PDE7B: variants seen among roughly 807,000 people sequenced by gnomAD.
PDE7B encodes the protein phosphodiesterase 7B.
In PDE7B, 29 loss-of-function variants were observed where a neutral mutation model predicts 56.2. The ratio of observed to expected loss-of-function variants is 0.52; its 90% confidence interval spans 0.38 to 0.70. PDE7B has a LOEUF of 0.70. PDE7B is among the 30% of genes least tolerant of loss of function. PDE7B has a pLI of 0.00. For synonymous variants in PDE7B, 197 were observed against 196.9 expected (o/e 1.00, Z 0.00); for missense variants, 490 against 565.0 (o/e 0.87, Z 1.35).
At chr6:136,130,104 C>T (rs1778091568) in intron 3 of PDE7B, among the ~76,000 whole-genome samples, 1 of 152,122 alleles carries the variant, frequency 6.6e-6, no homozygotes, top group African/African-American at 2.4e-5. Flanking sequence ...ATTTTTCTGA[C>T]CGACCACTCC....
intron 1 of PDE7B, among the ~76,000 whole-genome samples, chr6:135,885,821 T>C (rs1366989838): frequency 6.6e-6 from 1 of 152,110 alleles, no homozygotes; most frequent in African/African-American, 2.4e-5. Flanking sequence ...TGAGAAAACA[T>C]GTGAGATGGA....
intron 3 of PDE7B, among the ~76,000 whole-genome samples, chr6:136,118,437 T>C (rs1777874725): frequency 6.6e-6 from 1 of 152,222 alleles, no homozygotes; most frequent in South Asian, 2.1e-4. Context: ...TGGGAACCAC[T>C]ATATATGTCA....
intron 1 of PDE7B, among the ~76,000 whole-genome samples, chr6:135,914,446 G>C (rs113895422): frequency 6.9e-6 from 1 of 144,916 alleles, no homozygotes; most frequent in African/African-American, 2.5e-5. Flanking sequence ...TCATACAGCA[G>C]ATAGCTTTTT....
At chr6:135,916,512 C>T (rs1030975617) in intron 1 of PDE7B, among the ~76,000 whole-genome samples, 1 of 150,836 alleles carries the variant, frequency 6.6e-6, no homozygotes, top group African/African-American at 2.4e-5. Flanking sequence ...CCTGCCTCAG[C>T]CTCCCGAGTA....
chr6:136,074,945 G>T (rs73559586), intron 2 of PDE7B, among the ~76,000 whole-genome samples: 4,035 of 152,212 alleles, frequency 0.027, 160 homozygotes, highest in African/African-American at 0.09. Context: ...TATATACCTA[G>T]AAGTGAAATT....
In PDE7B at chr6:136,147,347, A is replaced by G. The variant is rs1315213375; in HGVS notation, c.167-4A>G. 2 of 1,599,630 alleles carry G rather than the reference A, an allele frequency of 1.3e-6. No homozygotes were observed. The highest frequency in any genetic ancestry group is 1.7e-5 in the Admixed American group (1 of 59,350). ...AAATTTCTTGACTTGATGACTTTCC[A>G]CAGGTACAACATACTCAGGGGAGAT... On this transcript the variant is annotated splice_polypyrimidine_tract_variant and splice_region_variant and intron_variant, in intron 3 of 12. Transcript: ENST00000308191.
intron 3 of PDE7B, among the ~76,000 whole-genome samples, chr6:136,127,323 G>T (rs1778040399): frequency 6.6e-6 from 1 of 152,046 alleles, no homozygotes; most frequent in Non-Finnish European, 1.5e-5. Flanking sequence ...AGGAGGTAAT[G>T]CCTCCCACAT....
chr6:135,973,157 C>G (rs1562456898), intron 2 of PDE7B, among the ~76,000 whole-genome samples: 1 of 151,072 alleles, frequency 6.6e-6, no homozygotes, highest in Non-Finnish European at 1.5e-5. Context: ...ACCATGGAAA[C>G]CACCGGTATT....
At chr6:136,094,143 A>C (rs983975749) in intron 2 of PDE7B, 2 of 152,308 alleles carry the variant, frequency 1.3e-5, no homozygotes, top group East Asian at 1.9e-4. Context: ...CTTGTGGTGC[A>C]AGGGGCAAGC....
chr6:136,140,908 C>T (rs889548968), intron 3 of PDE7B, among the ~76,000 whole-genome samples: 13 of 151,928 alleles, frequency 8.6e-5, no homozygotes, highest in African/African-American at 3.1e-4. Flanking sequence ...ATGTCGTCTG[C>T]AAACAGGGAC....
intron 1 of PDE7B, among the ~76,000 whole-genome samples, chr6:135,940,558 A>G (rs754518681): frequency 2.6e-5 from 4 of 152,204 alleles, no homozygotes; most frequent in Non-Finnish European, 5.9e-5. Flanking sequence ...CAGTTTCTTA[A>G]CAGGAGATAT....
At chr6:135,935,853 T>C (rs1292467920) in intron 1 of PDE7B, among the ~76,000 whole-genome samples, 2 of 152,232 alleles carry the variant, frequency 1.3e-5, no homozygotes, top group Non-Finnish European at 2.9e-5. Flanking sequence ...TAAGGAAATT[T>C]CCTTTCTGAG....
intron 2 of PDE7B, among the ~76,000 whole-genome samples, chr6:135,979,430 T>G (rs1775254347): frequency 6.6e-6 from 1 of 151,676 alleles, no homozygotes; most frequent in African/African-American, 2.4e-5. Context: ...TTCTATTGAT[T>G]GGAATAGTTT....
intron 2 of PDE7B, among the ~76,000 whole-genome samples, chr6:136,080,781 C>T (rs796543945): frequency 1.6e-4 from 24 of 152,268 alleles, no homozygotes; most frequent in African/African-American, 5.5e-4. Flanking sequence ...TGTTGACAAG[C>T]ATTAATAAGA....
chr6:135,974,852 T>C (rs565728767), intron 2 of PDE7B, among the ~76,000 whole-genome samples: 1 of 152,324 alleles, frequency 6.6e-6, no homozygotes, highest in Non-Finnish European at 1.5e-5. Context: ...GCATGTCAAG[T>C]GCTTACAGTT....
intron 1 of PDE7B, among the ~76,000 whole-genome samples, chr6:135,887,182 T>C (rs1424729635): frequency 2.6e-5 from 4 of 152,210 alleles, no homozygotes; most frequent in African/African-American, 9.6e-5. Context: ...TGCCTATTCA[T>C]GTCCTTTGCC....
chr6:135,986,128 G>A (rs1026156156), intron 2 of PDE7B, among the ~76,000 whole-genome samples: 2 of 152,186 alleles, frequency 1.3e-5, no homozygotes, highest in African/African-American at 4.8e-5. Context: ...TCACATTACT[G>A]AATCTGCAAA....
At chr6:135,968,600 A>G (rs1280961141) in intron 2 of PDE7B, among the ~76,000 whole-genome samples, 3 of 152,074 alleles carry the variant, frequency 2.0e-5, no homozygotes, top group African/African-American at 7.2e-5. Context: ...ATGAGCTACC[A>G]TCTCAGAACA....
At chr6:136,099,623 G>GT (rs559991903) in intron 2 of PDE7B, among the ~76,000 whole-genome samples, 1 of 151,710 alleles carries the variant, frequency 6.6e-6, no homozygotes, top group Non-Finnish European at 1.5e-5. Context: ...TGATGGGGTT[G>GT]TTTTTTTTCT....
Sources: allele counts gnomAD v4.1 joint callset (sites outside exome capture counted in the v4.1 genomes callset), GRCh38; gene constraint gnomAD v4.1.1; transcripts MANE v1.5; gene names NCBI Gene and HGNC (gene_info 2026-07-23, HGNC 2026-07-21).